The following RPS6KC1 variants were observed in gnomAD, a reference collection of about 807,000 sequenced individuals.
RPS6KC1 encodes the protein inactive ribosomal protein S6 kinase delta-1.
In RPS6KC1, 54 loss-of-function variants were observed where a neutral mutation model predicts 103.8. The observed-to-expected ratio is 0.52, with a 90% CI of 0.42 to 0.65. The LOEUF (loss-of-function observed/expected upper bound fraction) is 0.65. Among genes scored for constraint, RPS6KC1 ranks in the 30% least tolerant of loss-of-function variants. The pLI, the probability that RPS6KC1 is intolerant of heterozygous loss-of-function variation, is 0.00. For missense variants in RPS6KC1, 1,151 were observed against 1,253.8 expected, an observed-to-expected ratio of 0.92 and a Z score of 1.24; for synonymous variants, 439 against 438.7, an observed-to-expected ratio of 1.00 and a Z score of -0.01.
chr1:213,376,466 G>A, the RPS6KC1 span, among the ~76,000 whole-genome samples: 1 of 151,496 alleles, frequency 6.6e-6, no homozygotes, highest in Non-Finnish European at 1.5e-5. Context: ...TGAGTAATGC[G>A]ATGGTAGAAG....
the RPS6KC1 span, among the ~76,000 whole-genome samples, chr1:213,788,877 G>A: frequency 4.1e-5 from 6 of 147,516 alleles, no homozygotes; most frequent in Non-Finnish European, 8.8e-5. Flanking sequence ...AAGACATAGC[G>A]ACTAATTCCT....
chr1:213,159,128 C>G (rs191855075), intron 6 of RPS6KC1, among the ~76,000 whole-genome samples: 185 of 151,862 alleles, frequency 1.2e-3, no homozygotes, highest in African/African-American at 3.2e-3. Context: ...AAAAAACAAC[C>G]CTTAAACTTC....
chr1:213,144,952 G>A (rs1490852231), intron 6 of RPS6KC1, among the ~76,000 whole-genome samples: 1 of 152,070 alleles, frequency 6.6e-6, no homozygotes, highest in Non-Finnish European at 1.5e-5. Flanking sequence ...GTGGGTGCCT[G>A]TAATCCCACC....
chr1:213,059,704 G>A lies in RPS6KC1; in HGVS notation c.105+8195G>A, dbSNP rs769066106. ...ATTTTTTTTTTTTGAGACGCATCTC[G>A]CTCTGTTGCCCAGGCTGGAGTGCAA... On this transcript the variant is annotated intron_variant, in intron 1 of 14. Coordinates refer to ENST00000366960, the MANE Select transcript of RPS6KC1 (RefSeq NM_012424.6). Among the ~76,000 whole-genome samples the A allele has an allele frequency of 7.3e-5, 11 of 151,076 alleles. No homozygotes were observed. The South Asian group carries it at 1.5e-3, about 20-fold the overall frequency.
intron 8 of RPS6KC1, among the ~76,000 whole-genome samples, chr1:213,188,656 A>G (rs755282526): frequency 1.1e-4 from 16 of 152,156 alleles, no homozygotes; most frequent in South Asian, 2.1e-4. Flanking sequence ...GAATTACTAG[A>G]TGTAAATATA....
At position 213,074,843 on chromosome 1, in the gene RPS6KC1, A is replaced by T. The variant is rs1244403445; in HGVS notation, c.142-2853A>T. On this transcript the variant is annotated intron_variant, in intron 2 of 14. Coordinates refer to ENST00000366960, the MANE Select transcript of RPS6KC1 (RefSeq NM_012424.6). ...TTTAAAAATGACTTAACTAGAATAA[A>T]TTTTTTTTTTTTTTTTTTTTTTTTT... is the stretch of plus-strand genomic sequence containing the variant. Among the ~76,000 whole-genome samples the T allele has an allele frequency of 1.8e-4, 13 of 71,320 alleles. No individual in the cohort carries two copies. In the South Asian group the frequency reaches 2.0e-3, roughly 11 times the overall value. 46.8% of individuals were successfully genotyped at this position (71,320 alleles called of 152,430 possible). A position where few individuals can be genotyped will look rare whatever the true frequency, so the allele number is the denominator to read the frequency against.
the RPS6KC1 span, among the ~76,000 whole-genome samples, chr1:213,477,727 A>C: frequency 6.6e-6 from 1 of 152,224 alleles, no homozygotes; most frequent in Non-Finnish European, 1.5e-5. Flanking sequence ...AAAATTAATA[A>C]GCTTTTTAAA....
the RPS6KC1 span, among the ~76,000 whole-genome samples, chr1:213,465,245 G>A: frequency 6.6e-6 from 1 of 152,136 alleles, no homozygotes; most frequent in Non-Finnish European, 1.5e-5. Flanking sequence ...AAAACCTCCT[G>A]TTCACAGATA....
the RPS6KC1 span, among the ~76,000 whole-genome samples, chr1:213,602,365 C>G: frequency 1.3e-5 from 2 of 149,994 alleles, no homozygotes; most frequent in African/African-American, 4.9e-5. Context: ...TCCCGAGTAG[C>G]TGGGATTACA....
At chr1:213,723,860 G>A in the RPS6KC1 span, among the ~76,000 whole-genome samples, 78 of 151,578 alleles carry the variant, frequency 5.1e-4, no homozygotes, top group African/African-American at 1.7e-3. Context: ...GACAGTAAAT[G>A]GAATGAATAA....
chr1:213,404,523 G>A, the RPS6KC1 span, among the ~76,000 whole-genome samples: 1 of 152,004 alleles, frequency 6.6e-6, no homozygotes, highest in Non-Finnish European at 1.5e-5. Flanking sequence ...AACATTTAGT[G>A]AATCCATGCT....
chr1:213,065,569 C>T (rs575906015), intron 1 of RPS6KC1, among the ~76,000 whole-genome samples: 20 of 152,250 alleles, frequency 1.3e-4, no homozygotes, highest in Non-Finnish European at 2.4e-4. Context: ...TTTTCGTTTC[C>T]GTTTTGGGGG....
At chr1:213,187,337 C>T (rs562438849) in intron 8 of RPS6KC1, among the ~76,000 whole-genome samples, 14 of 151,166 alleles carry the variant, frequency 9.3e-5, no homozygotes, top group Admixed American at 3.3e-4. Flanking sequence ...CTCCACCTCC[C>T]AGGTTAAGGT....
At chr1:213,106,611 A>G (rs889386858) in intron 4 of RPS6KC1, among the ~76,000 whole-genome samples, 1 of 152,194 alleles carries the variant, frequency 6.6e-6, no homozygotes, top group African/African-American at 2.4e-5. Flanking sequence ...AGGGTGTGCT[A>G]TAGTATCATA....
At chr1:213,569,091 C>T in the RPS6KC1 span, among the ~76,000 whole-genome samples, 1,018 of 152,162 alleles carry the variant, frequency 6.7e-3, 10 homozygotes, top group African/African-American at 0.02. Context: ...GGTCAGGGAC[C>T]CTGGGCTTGG....
chr1:213,648,889 C>T, the RPS6KC1 span, among the ~76,000 whole-genome samples: 1 of 152,152 alleles, frequency 6.6e-6, no homozygotes, highest in Non-Finnish European at 1.5e-5. Flanking sequence ...TGCCAACATT[C>T]CACAGTTTCT....
At chr1:213,855,972 TG>T in the RPS6KC1 span, among the ~76,000 whole-genome samples, 1 of 152,218 alleles carries the variant, frequency 6.6e-6, no homozygotes, top group African/African-American at 2.4e-5. Context: ...CCTGTCTGCC[TG>T]GGCAGAGGCT....
At chr1:213,578,359 C>T in the RPS6KC1 span, among the ~76,000 whole-genome samples, 8 of 152,210 alleles carry the variant, frequency 5.3e-5, no homozygotes, top group South Asian at 2.1e-4. Flanking sequence ...AGTTGAAGCC[C>T]GTACACAGAG....
Position 213,149,456 on chromosome 1 carries a change from A to G in RPS6KC1, c.836-18402A>G, listed in dbSNP as rs569029050. On this transcript the variant is annotated intron_variant, in intron 6 of 14. Transcript: ENST00000366960. ...TTTCCGTGTATTTCTGTAGTTTCCA[A>G]AATTCCTGTTGTCATTAATTTCCAG... Among the ~76,000 whole-genome samples, 40 of 152,312 alleles carry G rather than the reference A, an allele frequency of 2.6e-4. No homozygotes were observed. In the South Asian group the frequency reaches 7.7e-3, roughly 29 times the overall value.
Sources: gnomAD v4.1 joint callset for allele counts (sites outside exome capture counted in the v4.1 genomes callset) on GRCh38, gnomAD v4.1.1 for gene constraint, MANE v1.5 for transcripts, NCBI Gene and HGNC (gene_info 2026-07-23, HGNC 2026-07-21) for gene names.